The following R3HCC1L variants were observed in gnomAD, a reference collection of about 807,000 sequenced individuals.
R3HCC1L encodes R3H domain and coiled-coil containing 1 like.
A neutral mutation model predicts 59.9 loss-of-function variants in R3HCC1L; 51 were observed. The ratio of observed to expected loss-of-function variants is 0.85; its 90% confidence interval spans 0.68 to 1.07. The LOEUF is 1.07. R3HCC1L is among the 50% of genes least tolerant of loss of function. The probability of loss-of-function intolerance (pLI) is 0.00; values close to 1 mark genes in which losing one functional copy is unlikely to be tolerated. For missense variants in R3HCC1L, 965 were observed against 933.0 expected, an observed-to-expected ratio of 1.03 and a Z score of -0.45; for synonymous variants, 322 against 315.2, an observed-to-expected ratio of 1.02 and a Z score of -0.23.
intron 4 of R3HCC1L, among the ~76,000 whole-genome samples, chr10:98,172,825 C>T (rs1848644720): frequency 6.6e-6 from 1 of 152,134 alleles, no homozygotes; most frequent in Non-Finnish European, 1.5e-5. Context: ...AGCTTACTTC[C>T]CATACAAAAT....
At chr10:98,171,150 C>T (rs1390425718) in intron 4 of R3HCC1L, among the ~76,000 whole-genome samples, 2 of 152,308 alleles carry the variant, frequency 1.3e-5, no homozygotes, top group South Asian at 2.1e-4. Context: ...AATATAGTAG[C>T]GTGAGCACAG....
In R3HCC1L at chr10:98,186,078, T is replaced by C. The variant is rs569053219; in HGVS notation, c.-14-22023T>C. Among the ~76,000 whole-genome samples the C allele has an allele frequency of 2.6e-4, 39 of 152,294 alleles. 1 individual carries two copies. The highest frequency in any genetic ancestry group is 5.6e-4 in the Non-Finnish European group (38 of 68,010). On this transcript the variant is annotated intron_variant, in intron 4 of 9. Coordinates refer to ENST00000298999, the MANE Select transcript of R3HCC1L (RefSeq NM_001351015.2). The stretch of plus-strand genomic sequence containing the variant: ...CAGTAAAAATCTTGGTATGTTTCTG[T>C]AGAACCTCCAAGTTTCCTTCCTTCT...
chr10:98,179,526 T>G (rs1849409415), intron 4 of R3HCC1L, among the ~76,000 whole-genome samples: 1 of 152,192 alleles, frequency 6.6e-6, no homozygotes, highest in Admixed American at 6.5e-5. Flanking sequence ...AAAATTCTCT[T>G]TTTTTGTTGT....
chr10:98,172,561 G>T (rs1464414298), intron 4 of R3HCC1L, among the ~76,000 whole-genome samples: 1 of 152,188 alleles, frequency 6.6e-6, no homozygotes, highest in Admixed American at 6.5e-5. Flanking sequence ...ATCATCTGGA[G>T]GCTCCATAGA....
In R3HCC1L at chr10:98,208,223, G is replaced by A. The variant is rs1186347783; in HGVS notation, c.109G>A (p.Glu37Lys). The A allele has an allele frequency of 6.2e-7, 1 of 1,614,014 alleles. No individual in the cohort carries two copies. The highest frequency in any genetic ancestry group is 8.5e-7 in the Non-Finnish European group (1 of 1,179,998). ...AGTACTCCTTAAGACAGGTGATGAA[G>A]AAGAAAGCTGTGGTTCACCTAACTC... ...GAVLLKTGDEEESCGSPNSVV... is the reference protein window; with the variant it reads ...GAVLLKTGDEKESCGSPNSVV... The change falls in exon 5 of 10, where the codon GAA becomes AAA. Residue 37 changes from glutamate to lysine, a missense_variant. Transcript: ENST00000298999.
intron 4 of R3HCC1L, among the ~76,000 whole-genome samples, chr10:98,203,840 C>T (rs1316734366): frequency 6.6e-6 from 1 of 152,024 alleles, no homozygotes; most frequent in African/African-American, 2.4e-5. Context: ...CAGGTATGAT[C>T]CCAGTGTTCA....
chr10:98,169,399 T>C (rs1848288072), intron 4 of R3HCC1L, among the ~76,000 whole-genome samples: 1 of 152,240 alleles, frequency 6.6e-6, no homozygotes, highest in African/African-American at 2.4e-5. Context: ...TAATCATAGC[T>C]ATCTCTTAGT....
At chr10:98,153,740 A>G (rs1355136851) in intron 1 of R3HCC1L, among the ~76,000 whole-genome samples, 1 of 152,038 alleles carries the variant, frequency 6.6e-6, no homozygotes, top group Non-Finnish European at 1.5e-5. Context: ...ACAGGATCTA[A>G]GGTCATGCCA....
intron 2 of R3HCC1L, among the ~76,000 whole-genome samples, chr10:98,158,210 C>T (rs150382030): frequency 3.3e-5 from 5 of 152,124 alleles, no homozygotes; most frequent in African/African-American, 7.2e-5. Flanking sequence ...TATTTGTGGA[C>T]GTATGTTTAA....
chr10:98,200,788 A>G (rs921076601), intron 4 of R3HCC1L, among the ~76,000 whole-genome samples: 8 of 152,198 alleles, frequency 5.3e-5, no homozygotes, highest in Non-Finnish European at 1.0e-4. Context: ...CAGATTTTCT[A>G]GAAGAAGAAA....
At chr10:98,227,087 T>C (rs1436892425) in intron 5 of R3HCC1L, among the ~76,000 whole-genome samples, 3 of 152,234 alleles carry the variant, frequency 2.0e-5, no homozygotes, top group Non-Finnish European at 2.9e-5. Flanking sequence ...GGAACTAATA[T>C]GGTGTTTGGC....
intron 5 of R3HCC1L, among the ~76,000 whole-genome samples, chr10:98,230,856 T>C (rs1485346013): frequency 6.6e-6 from 1 of 152,180 alleles, no homozygotes; most frequent in African/African-American, 2.4e-5. Flanking sequence ...GCTTTTTTTA[T>C]AGGACGGTAG....
At chr10:98,204,882 C>A (rs1407283451) in intron 4 of R3HCC1L, among the ~76,000 whole-genome samples, 1 of 152,056 alleles carries the variant, frequency 6.6e-6, no homozygotes, top group African/African-American at 2.4e-5. Context: ...GTCCAGGCAT[C>A]CATTGGGGAT....
intron 2 of R3HCC1L, among the ~76,000 whole-genome samples, chr10:98,162,208 TTG>T (rs1847492559): frequency 6.6e-6 from 1 of 152,220 alleles, no homozygotes; most frequent in Admixed American, 6.5e-5. Flanking sequence ...CTGGCTGATA[TTG>T]GTGGACATTA....
At chr10:98,214,738 A>T (rs1853970652) in intron 5 of R3HCC1L, among the ~76,000 whole-genome samples, 1 of 152,246 alleles carries the variant, frequency 6.6e-6, no homozygotes, top group South Asian at 2.1e-4. Context: ...AATTTATAGT[A>T]TAGTCCTTGA....
chr10:98,148,253 CTTTACTGAATTTATCAGTTCTAAGAA>C (rs1177187175), intron 1 of R3HCC1L, among the ~76,000 whole-genome samples: 6 of 152,128 alleles, frequency 3.9e-5, no homozygotes, highest in African/African-American at 1.4e-4. Flanking sequence ...TGTCCTACAA[CTTTACTGAATTTATCAGTTCTAAGAA>C]TTTTTTGGTG....
At chr10:98,243,309 C>T (rs2135794806) in intron 9 of R3HCC1L, among the ~76,000 whole-genome samples, 2 of 152,242 alleles carry the variant, frequency 1.3e-5, no homozygotes, top group East Asian at 3.9e-4. Context: ...AGGCTTATCC[C>T]CATTTTATGG....
chr10:98,185,102 A>G (rs551107283), intron 4 of R3HCC1L, among the ~76,000 whole-genome samples: 1 of 152,326 alleles, frequency 6.6e-6, no homozygotes, highest in East Asian at 1.9e-4. Flanking sequence ...AGCAGCACCT[A>G]GAAGTCCCAT....
At chr10:98,175,546 T>C (rs113390707) in intron 4 of R3HCC1L, among the ~76,000 whole-genome samples, 1 of 152,218 alleles carries the variant, frequency 6.6e-6, no homozygotes, top group Non-Finnish European at 1.5e-5. Flanking sequence ...TTCCAGGATG[T>C]TGTGTAACTG....
Sources: gnomAD v4.1 joint callset for allele counts (sites outside exome capture counted in the v4.1 genomes callset) on GRCh38, gnomAD v4.1.1 for gene constraint, MANE v1.5 for transcripts, NCBI Gene and HGNC (gene_info 2026-07-23, HGNC 2026-07-21) for gene names.